The following EHBP1 variants were observed in gnomAD, a reference collection of about 807,000 sequenced individuals.
The protein encoded by EHBP1 is EH domain-binding protein 1.
EHBP1 carries 55 observed loss-of-function variants against 144.0 expected under a neutral mutation model. That is an observed-to-expected ratio of 0.38 (90% CI 0.31 to 0.48). The LOEUF (loss-of-function observed/expected upper bound fraction) is 0.48. EHBP1 is among the 20% of genes least tolerant of loss of function. The pLI, the probability that EHBP1 is intolerant of heterozygous loss-of-function variation, is 0.98. For synonymous variants in EHBP1, 469 were observed against 472.7 expected (o/e 0.99, Z 0.10); for missense variants, 1,200 against 1,364.2 (o/e 0.88, Z 1.90).
intron 10 of EHBP1, among the ~76,000 whole-genome samples, chr2:62,923,099 C>T (rs1424588870): frequency 6.6e-6 from 1 of 152,144 alleles, no homozygotes; most frequent in Non-Finnish European, 1.5e-5. Context: ...GAAGTGTGCC[C>T]TTCTCTGGGG....
chr2:62,850,320 A>G (rs149193162), intron 7 of EHBP1, among the ~76,000 whole-genome samples: 264 of 152,208 alleles, frequency 1.7e-3, no homozygotes, highest in African/African-American at 6.2e-3. Flanking sequence ...TCTTTTTACT[A>G]CAGACTTTCT....
chr2:62,755,064 T>C (rs760309191), intron 3 of EHBP1, among the ~76,000 whole-genome samples: 3 of 152,236 alleles, frequency 2.0e-5, no homozygotes, highest in Non-Finnish European at 2.9e-5. Flanking sequence ...AGAAATCACC[T>C]GTCTTCTGCA....
chr2:62,850,982 A>G (rs984755293), intron 7 of EHBP1, among the ~76,000 whole-genome samples: 2 of 152,208 alleles, frequency 1.3e-5, no homozygotes, highest in African/African-American at 4.8e-5. Context: ...GCCCAGTCTC[A>G]GTTGCTATCC....
At chr2:62,777,214 T>C (rs2042110089) in intron 5 of EHBP1, among the ~76,000 whole-genome samples, 1 of 152,138 alleles carries the variant, frequency 6.6e-6, no homozygotes. Flanking sequence ...CAAGCAGTAC[T>C]CCCACCTCGG....
intron 3 of EHBP1, among the ~76,000 whole-genome samples, chr2:62,751,350 G>A (rs1469506227): frequency 6.6e-6 from 1 of 152,172 alleles, no homozygotes; most frequent in Non-Finnish European, 1.5e-5. Flanking sequence ...GATCATGGTG[G>A]ATAAGCTTTT....
rs70962798 is a variant in EHBP1, at chr2:62,879,546, AACACACAC to A, written c.1185+5052_1185+5059del. On this transcript the variant is annotated intron_variant, in intron 10 of 22. Transcript: ENST00000431489. The stretch of plus-strand genomic sequence containing the variant: ...TTAAGAACACAGTCCTATTCACAAT[AACACACAC>A]ACACACACACACACACACACACACA... Among the ~76,000 whole-genome samples, 1,094 of 133,776 alleles carry A rather than the reference AACACACAC, an allele frequency of 8.2e-3. 5 individuals carry two copies. Among genetic ancestry groups the A allele is most frequent in the Middle Eastern group, 0.041 (11 of 266 alleles). The allele number at this position is 133,776 out of a possible 152,430, so 87.8% of individuals were successfully genotyped here.
At chr2:62,855,736 A>G (rs1270702929) in intron 7 of EHBP1, among the ~76,000 whole-genome samples, 1 of 152,170 alleles carries the variant, frequency 6.6e-6, no homozygotes, top group Non-Finnish European at 1.5e-5. Flanking sequence ...TGATGGGACT[A>G]CTTGCCTGCA....
chr2:62,709,564 A>T (rs1223824584), intron 2 of EHBP1, among the ~76,000 whole-genome samples: 2 of 152,144 alleles, frequency 1.3e-5, no homozygotes, highest in Non-Finnish European at 2.9e-5. Context: ...TAACAATTTA[A>T]GTTATTGCTA....
chr2:62,988,348 A>G (rs2059282727), intron 15 of EHBP1, among the ~76,000 whole-genome samples: 3 of 152,090 alleles, frequency 2.0e-5, no homozygotes, highest in African/African-American at 7.2e-5. Context: ...TCTCAGCTTA[A>G]ATATTTTGGT....
intron 14 of EHBP1, among the ~76,000 whole-genome samples, chr2:62,956,654 C>T (rs142336932): frequency 8.1e-5 from 12 of 148,674 alleles, no homozygotes; most frequent in African/African-American, 3.0e-4. Context: ...CTGAGACCAG[C>T]CTAGGCAACA....
In EHBP1 at chr2:62,990,841, G is replaced by GT; in HGVS notation, c.2733+2dup. The stretch of plus-strand genomic sequence containing the variant: ...TGAGAGCTCAGAGCAGGACATGAAA[G>GT]TAAGTCTTACTTGTTTAAAACATTT... On this transcript the variant is annotated splice_donor_variant, in intron 16 of 22. Coordinates refer to ENST00000431489, the MANE Select transcript of EHBP1 (RefSeq NM_001142616.3). LOFTEE classifies it high-confidence loss of function. 1.2e-6 allele frequency: 2 copies of GT among 1,610,586 alleles called. No individual in the cohort carries two copies. Among genetic ancestry groups the GT allele is most frequent in the East Asian group, 2.2e-5 (1 of 44,758 alleles).
Position 62,943,877 on chromosome 2 carries a change from C to T in EHBP1, c.1413+27C>T, listed in dbSNP as rs372347101. On this transcript the variant is annotated intron_variant, in intron 12 of 22. Transcript: ENST00000431489. Reference sequence around the variant, plus strand: ...TAAGAATTGATGAGCAAGAAAAATACGTAGTTTCAATTTTGGCTTCTCTGC... The same window carrying T: ...TAAGAATTGATGAGCAAGAAAAATATGTAGTTTCAATTTTGGCTTCTCTGC... 55 of 1,563,970 alleles carry T rather than the reference C, an allele frequency of 3.5e-5. No individual in the cohort carries two copies. In the South Asian group the frequency reaches 4.1e-4, roughly 12 times the overall value.
chr2:62,996,863 T>G, intron 19 of EHBP1, 97 bp downstream of exon 19: 1 of 1,532,390 alleles, frequency 6.5e-7, no homozygotes, highest in Non-Finnish European at 8.8e-7. Flanking sequence ...AGCCTGAATG[T>G]TCAGCAAAAC....
chr2:63,011,310 C>G (rs988905657), intron 19 of EHBP1, among the ~76,000 whole-genome samples: 1 of 151,734 alleles, frequency 6.6e-6, no homozygotes, highest in African/African-American at 2.4e-5. Context: ...GTCATAGGAA[C>G]CTAAACACCA....
chr2:62,794,158 A>G (rs2043368807), intron 5 of EHBP1, among the ~76,000 whole-genome samples: 2 of 152,004 alleles, frequency 1.3e-5, no homozygotes, highest in Non-Finnish European at 2.9e-5. Flanking sequence ...AATCCACAGC[A>G]TTTTCCCCTA....
At chr2:63,003,476 T>A (rs1379122961) in intron 19 of EHBP1, among the ~76,000 whole-genome samples, 1 of 152,076 alleles carries the variant, frequency 6.6e-6, no homozygotes, top group Non-Finnish European at 1.5e-5. Context: ...TGTGTACTGA[T>A]ATCAGACATA....
intron 10 of EHBP1, among the ~76,000 whole-genome samples, chr2:62,929,342 A>C (rs2055794258): frequency 6.6e-6 from 1 of 152,208 alleles, no homozygotes; most frequent in Non-Finnish European, 1.5e-5. Context: ...CATACTAGCA[A>C]ACTAAATTCA....
rs1453335398 is a variant in EHBP1, at chr2:62,942,850, G to T, written c.1318G>T (p.Gly440Cys). ...ITNFTTSWRN[G>C]LSFCAILHHF... The stretch of plus-strand genomic sequence containing the variant: ...CAATTTTACTACATCGTGGAGAAAT[G>T]GTTTATCTTTTTGTGCAATATTACA... The change falls in exon 11 of 23, where the codon GGT (glycine) becomes TGT (cysteine). Residue 440 changes from glycine to cysteine, a missense_variant. This residue lies in a region of EHBP1 where 94 missense variants were observed against 143.0 expected (regional missense o/e 0.66). Transcript: ENST00000431489. 1 of 1,613,448 alleles carries T rather than the reference G, an allele frequency of 6.2e-7. No homozygotes were observed. The highest frequency in any genetic ancestry group is 8.5e-7 in the Non-Finnish European group (1 of 1,179,678).
At chr2:62,970,315 G>C (rs996940125) in intron 14 of EHBP1, among the ~76,000 whole-genome samples, 5 of 151,984 alleles carry the variant, frequency 3.3e-5, no homozygotes, top group African/African-American at 1.2e-4. Flanking sequence ...ATTAATTAAA[G>C]TTCAATTACT....
Sources: allele counts gnomAD v4.1 joint callset (sites outside exome capture counted in the v4.1 genomes callset), GRCh38; gene constraint gnomAD v4.1.1; regional missense constraint gnomAD v4.1.1; transcripts MANE v1.5; gene names NCBI Gene and HGNC (gene_info 2026-07-23, HGNC 2026-07-21).